PTPRN: variants seen among roughly 807,000 people sequenced by gnomAD.
PTPRN encodes protein tyrosine phosphatase receptor type N.
In PTPRN, 70 loss-of-function variants were observed where a neutral mutation model predicts 108.5. That is an observed-to-expected ratio of 0.65 (90% CI 0.53 to 0.79). The LOEUF is 0.79. Among genes scored for constraint, PTPRN ranks in the 30% least tolerant of loss-of-function variants. The pLI, the probability that PTPRN is intolerant of heterozygous loss-of-function variation, is 0.00. For missense variants in PTPRN, 1,136 were observed against 1,295.5 expected (o/e 0.88, Z 1.89); for synonymous variants, 496 against 524.6 (o/e 0.95, Z 0.75).
chr2:219,309,121 C>T (rs541066187), intron 1 of PTPRN, 97 bp downstream of exon 1: 1 of 1,481,418 alleles, frequency 6.8e-7, no homozygotes, highest in South Asian at 1.2e-5. Flanking sequence ...TCTCCCCGAG[C>T]TTCATGACAT....
In PTPRN at chr2:219,302,348, G is replaced by A. The variant is rs549588185; in HGVS notation, c.783C>T (p.Tyr261=). 63 of 1,613,670 alleles carry A rather than the reference G, an allele frequency of 3.9e-5. No individual in the cohort carries two copies. Among genetic ancestry groups the A allele is most frequent in the East Asian group, 3.6e-4 (16 of 44,862 alleles). The change falls in exon 6 of 23, where the codon TAC becomes TAT. Residue 261 remains tyrosine, a synonymous_variant. Transcript: ENST00000295718. Reference sequence around the variant, plus strand: ...CAGGTGAAGGCCCTGGAAGGTCCCCGTAGGAGTGGCCAGGGTGGTCCCCAA... The same window carrying A: ...CAGGTGAAGGCCCTGGAAGGTCCCCATAGGAGTGGCCAGGGTGGTCCCCAA... The part of the protein sequence containing the change: ...GIFGDHPGHS[Y]GDLPGPSPAQ...
chr2:219,302,137 C>T lies in PTPRN; in HGVS notation c.994G>A (p.Asp332Asn). The T allele has an allele frequency of 6.4e-7, 1 of 1,571,206 alleles. No individual in the cohort carries two copies. The highest frequency in any genetic ancestry group is 8.7e-7 in the Non-Finnish European group (1 of 1,155,668). ...AGGTGGATGCTGAGGACCTTGTTAC[C>T]TGGCTGCACAGCTGGGGAAGCAGGC... ...EKPASPAVQP[D>N]AALQRLAAVL... is the part of the protein sequence containing the mutation. The change falls in exon 6 of 23, where the codon GAT becomes AAT. Residue 332 changes from aspartate to asparagine, a missense_variant and splice_region_variant. Asp to Asn is a conservative substitution (Grantham distance 23). Coordinates refer to ENST00000295718, the MANE Select transcript of PTPRN (RefSeq NM_002846.4).
chr2:219,302,979 GAGAGA>G, intron 4 of PTPRN, 142 bp from the exon 5 acceptor site: 1 of 735,744 alleles, frequency 1.4e-6, no homozygotes, highest in East Asian at 4.0e-5. Flanking sequence ...CTCAGGGGAA[GAGAGA>G]TGGGCTGGGT....
At position 219,307,707 on chromosome 2, in the gene PTPRN, C is replaced by T. The variant is rs550186205; in HGVS notation, c.166+85G>A. 1.5e-5 allele frequency: 23 copies of T among 1,535,072 alleles called. No homozygotes were observed. In the African/African-American group the frequency reaches 3.0e-4, roughly 20 times the overall value. On this transcript the variant is annotated intron_variant, in intron 2 of 22. Coordinates refer to ENST00000295718, the MANE Select transcript of PTPRN (RefSeq NM_002846.4). The stretch of plus-strand genomic sequence containing the variant: ...TCTTCTCAAGCCCAGTAGCCCTCTT[C>T]CTTTCTGGGCCTTCTCTCCCCTTCT...
Position 219,295,112 on chromosome 2 carries a change from G to A in PTPRN, c.2538C>T (p.Cys846=). 1 of 1,612,654 alleles carries A rather than the reference G, an allele frequency of 6.2e-7. No homozygotes were observed. Among genetic ancestry groups the A allele is most frequent in the Non-Finnish European group, 8.5e-7 (1 of 1,179,278 alleles). Reference sequence around the variant, plus strand: ...AGAAGCTCCGCACCAGAAAGTCCTCGCACCAGATGTGCTCCGACACCAGGT... The same window carrying A: ...AGAAGCTCCGCACCAGAAAGTCCTCACACCAGATGTGCTCCGACACCAGGT... ...EVNLVSEHIW[C]EDFLVRSFYL... Residue 846 remains cysteine, a synonymous_variant, in exon 19 of 23, where the codon TGC becomes TGT. Coordinates refer to ENST00000295718, the MANE Select transcript of PTPRN (RefSeq NM_002846.4).
chr2:219,302,653 G>A lies in PTPRN; in HGVS notation c.562C>T (p.Leu188=), dbSNP rs764653362. 4.6e-5 allele frequency: 75 copies of A among 1,613,682 alleles called. No individual in the cohort carries two copies. The highest frequency in any genetic ancestry group is 6.0e-5 in the Non-Finnish European group (71 of 1,179,958). Residue 188 remains leucine (L), a synonymous_variant, in exon 5 of 23, where the codon CTG becomes TTG. Transcript: ENST00000295718. ...AELLPPLLEH[L]LLPPQPPHPS... Reference sequence around the variant, plus strand: ...TGGGGAGGCTGTGGGGGCAGCAGCAGGTGCTCCAAGAGAGGCGGGAGCAGC... The same window carrying A: ...TGGGGAGGCTGTGGGGGCAGCAGCAAGTGCTCCAAGAGAGGCGGGAGCAGC...
At chr2:219,302,913 G>A in intron 4 of PTPRN, 76 bp from the exon 5 acceptor site, 1 of 1,523,746 alleles carries the variant, frequency 6.6e-7, no homozygotes, top group Non-Finnish European at 8.9e-7. Flanking sequence ...AACTATTCGG[G>A]GCCAGGCAGG....
Position 219,302,582 on chromosome 2 carries a change from G to A in PTPRN, c.633C>T (p.Phe211=). 1 of 1,614,036 alleles carries A rather than the reference G, an allele frequency of 6.2e-7. No homozygotes were observed. The highest frequency in any genetic ancestry group is 1.1e-5 in the South Asian group (1 of 91,074). ...YEPALLQPYL[F]HQFGSRDGSR... is the part of the protein sequence containing the mutation. ...ACCAGAGTCAAGGACTTACCTGGTGGAACAGGTAGGGCTGCAGCAAGGCAG... is the reference window on the plus strand; with the variant it reads ...ACCAGAGTCAAGGACTTACCTGGTGAAACAGGTAGGGCTGCAGCAAGGCAG... Residue 211 remains phenylalanine, a synonymous_variant, in exon 5 of 23, where the codon TTC becomes TTT. Coordinates refer to ENST00000295718, the MANE Select transcript of PTPRN (RefSeq NM_002846.4).
Position 219,302,120 on chromosome 2 carries a change from G to T in PTPRN, c.994+17C>A. On this transcript the variant is annotated intron_variant, in intron 6 of 22. Transcript: ENST00000295718. Reference sequence around the variant, plus strand: ...AAGCAGCCCTCACAGGGAGGTGGATGCTGAGGACCTTGTTACCTGGCTGCA... The same window carrying T: ...AAGCAGCCCTCACAGGGAGGTGGATTCTGAGGACCTTGTTACCTGGCTGCA... 1 of 1,553,412 alleles carries T rather than the reference G, an allele frequency of 6.4e-7. No homozygotes were observed. Among genetic ancestry groups the T allele is most frequent in the Non-Finnish European group, 8.7e-7 (1 of 1,148,702 alleles).
intron 19 of PTPRN, 35 bp from the exon 20 acceptor site, chr2:219,291,558 A>G (rs766598122): frequency 1.2e-6 from 2 of 1,602,180 alleles, no homozygotes; most frequent in Admixed American, 1.7e-5. Context: ...GCCAGTGGGC[A>G]CCAGCAGAGA....
At chr2:219,307,701 C>T in intron 2 of PTPRN, 91 bp downstream of exon 2, 1 of 1,515,166 alleles carries the variant, frequency 6.6e-7, no homozygotes, top group Non-Finnish European at 9.2e-7. Context: ...GCCCAGTAGC[C>T]CTCTTCCTTT....
At chr2:219,294,517 C>T (rs373191021) in intron 19 of PTPRN, among the ~76,000 whole-genome samples, 1 of 148,726 alleles carries the variant, frequency 6.7e-6, no homozygotes, top group South Asian at 2.1e-4. Context: ...GAAGGAGGGA[C>T]GGAGAGGGAT....
Position 219,296,646 on chromosome 2 carries a change from C to T in PTPRN, c.2310+103G>A. 6.5e-7 allele frequency: 1 copy of T among 1,548,058 alleles called. No homozygotes were observed. Among genetic ancestry groups the T allele is most frequent in the East Asian group, 2.3e-5 (1 of 43,882 alleles). The stretch of plus-strand genomic sequence containing the variant: ...CTTGCTAGGATATCAGGCCCCACCA[C>T]TCCAGGGGGTTGGTGGGGTGGCAGG... On this transcript the variant is annotated intron_variant, in intron 16 of 22. Transcript: ENST00000295718. This position sits in a 1 kb window ranked among gnomAD's most constrained non-coding sequence, Gnocchi z 6.0.
Position 219,291,527 on chromosome 2 carries a change from C to A in PTPRN, c.2676-4G>T, listed in dbSNP as rs1952054361. On this transcript the variant is annotated splice_region_variant and splice_polypyrimidine_tract_variant and intron_variant, in intron 19 of 22. Transcript: ENST00000295718. ...CCGGTAGCACTTGTTCACCTTCCTG[C>A]AACAAGAAATGGGTGTGAGGGCCAG... 6.2e-7 allele frequency: 1 copy of A among 1,613,726 alleles called. No individual in the cohort carries two copies. Among genetic ancestry groups the A allele is most frequent in the African/African-American group, 1.3e-5 (1 of 74,908 alleles).
rs1389115454 is a variant in PTPRN, at chr2:219,294,918, G to C, written c.2675+57C>G. 4.3e-6 allele frequency: 6 copies of C among 1,382,280 alleles called. No homozygotes were observed. In the African/African-American group the frequency reaches 9.3e-5, roughly 21 times the overall value. 85.6% of individuals were successfully genotyped at this position (1,382,280 alleles called of 1,614,324 possible). A position where few individuals can be genotyped will look rare whatever the true frequency, so the allele number is the denominator to read the frequency against. The stretch of plus-strand genomic sequence containing the variant: ...GGGGCTCCAGGCCGAGCGGCGGGCG[G>C]ACCCCGGCTCCGCCCCCGCCCATGC... On this transcript the variant is annotated intron_variant, in intron 19 of 22. Transcript: ENST00000295718.
At chr2:219,301,793 G>T (rs560261766) in intron 6 of PTPRN, 74 bp from the exon 7 acceptor site, 18 of 1,512,366 alleles carry the variant, frequency 1.2e-5, no homozygotes, top group Admixed American at 1.1e-4. Flanking sequence ...GTGAGTGAGG[G>T]TGGGAAGGGA....
chr2:219,295,155 G>C lies in PTPRN; in HGVS notation c.2509-14C>G. ...CACCAGGTTCACCTGCCCGGCAGGGGCCCAGGCCTGAGCGCCGCGGGCTGC... is the reference window on the plus strand; with the variant it reads ...CACCAGGTTCACCTGCCCGGCAGGGCCCCAGGCCTGAGCGCCGCGGGCTGC... On this transcript the variant is annotated splice_polypyrimidine_tract_variant and intron_variant, in intron 18 of 22. Coordinates refer to ENST00000295718, the MANE Select transcript of PTPRN (RefSeq NM_002846.4). The C allele has an allele frequency of 6.2e-7, 1 of 1,602,752 alleles. No homozygotes were observed. The highest frequency in any genetic ancestry group is 2.3e-5 in the East Asian group (1 of 43,518).
At position 219,296,321 on chromosome 2, in the gene PTPRN, C is replaced by T. The variant is rs536328542; in HGVS notation, c.2413G>A (p.Val805Ile). 2.4e-5 allele frequency: 38 copies of T among 1,613,992 alleles called. No individual in the cohort carries two copies. Among genetic ancestry groups the T allele is most frequent in the African/African-American group, 5.3e-5 (4 of 74,872 alleles). ...ACCAGCGGGGTCAGCATGACGATGA[C>T]GGTGCAGCCGCTCTCCCACACCATC... ...WQMVWESGCT[V>I]IVMLTPLVED... Residue 805 changes from valine to isoleucine, a missense_variant, in exon 18 of 23, where the codon GTC becomes ATC. Transcript: ENST00000295718. This position sits in a 1 kb window ranked among gnomAD's most constrained non-coding sequence, Gnocchi z 6.0.
chr2:219,297,030 C>G lies in PTPRN; in HGVS notation c.2191G>C (p.Gly731Arg). The change falls in exon 15 of 23, where the codon GGG becomes CGG. Residue 731 changes from glycine to arginine, a missense_variant. By Grantham distance (125) the Gly-to-Arg change is moderately radical. Coordinates refer to ENST00000295718, the MANE Select transcript of PTPRN (RefSeq NM_002846.4). This position sits in a 1 kb window ranked among gnomAD's most constrained non-coding sequence, Gnocchi z 6.0. The part of the protein sequence containing the change: ...AEPNTCATAQ[G>R]EGNIKKNRHP... ...CGGTTCTTTTTGATGTTGCCCTCCC[C>G]CTGCGCGGTGGCACAGGTGTTTGGC... 1 of 1,614,068 alleles carries G rather than the reference C, an allele frequency of 6.2e-7. No homozygotes were observed. Among genetic ancestry groups the G allele is most frequent in the East Asian group, 2.2e-5 (1 of 44,864 alleles).
Sources: allele counts gnomAD v4.1 joint callset (sites outside exome capture counted in the v4.1 genomes callset), GRCh38; gene constraint gnomAD v4.1.1; non-coding constraint Gnocchi (gnomAD v3.1); transcripts MANE v1.5; gene names NCBI Gene and HGNC (gene_info 2026-07-23, HGNC 2026-07-21).